RNF220: variants seen among roughly 807,000 people sequenced by gnomAD.
The protein encoded by RNF220 is E3 ubiquitin-protein ligase RNF220.
In RNF220, 7 loss-of-function variants were observed where a neutral mutation model predicts 67.1. That is an observed-to-expected ratio of 0.10 (90% CI 0.06 to 0.20). The LOEUF (loss-of-function observed/expected upper bound fraction) is 0.20, where lower values mean the gene tolerates loss of function less well. RNF220 is among the 10% of genes least tolerant of loss of function. RNF220 has a pLI of 1.00. For missense variants in RNF220, 565 were observed against 740.3 expected, an observed-to-expected ratio of 0.76 and a Z score of 2.75; for synonymous variants, 270 against 283.2, an observed-to-expected ratio of 0.95 and a Z score of 0.47.
Position 44,449,937 on chromosome 1 carries a change from C to T in RNF220, c.625+37215C>T, listed in dbSNP as rs185704988. Reference sequence around the variant, plus strand: ...AAAAAAGAAAAATTTCTGAGCTGGGCGCAGTGGCTCACGCCTGTAATCCCA... The same window carrying T: ...AAAAAAGAAAAATTTCTGAGCTGGGTGCAGTGGCTCACGCCTGTAATCCCA... On this transcript the variant is annotated intron_variant, in intron 2 of 14. Coordinates refer to ENST00000361799, the MANE Select transcript of RNF220 (RefSeq NM_018150.4). Among the ~76,000 whole-genome samples the T allele has an allele frequency of 1.7e-4, 26 of 152,260 alleles. No homozygotes were observed. In the East Asian group the frequency reaches 4.6e-3, roughly 27 times the overall value.
At chr1:44,409,017 C>G (rs1051768869) in intron 1 of RNF220, 10 of 152,270 alleles carry the variant, frequency 6.6e-5, no homozygotes, top group South Asian at 2.1e-4. Context: ...CTCCGCAGAG[C>G]GCGGAGCGCT....
chr1:44,428,628 C>T (rs893612196), intron 2 of RNF220, among the ~76,000 whole-genome samples: 1 of 152,234 alleles, frequency 6.6e-6, no homozygotes, highest in African/African-American at 2.4e-5. Context: ...CTTTAGTTAA[C>T]GATGGATGCT....
At chr1:44,576,524 TGGGGAGCCCTGGGCAA>T (rs1368418149) in intron 2 of RNF220, among the ~76,000 whole-genome samples, 3 of 152,118 alleles carry the variant, frequency 2.0e-5, no homozygotes, top group Admixed American at 2.0e-4. Flanking sequence ...AGCCTAAGAC[TGGGGAGCCCTGGGCAA>T]GGAGAAGCCA....
chr1:44,565,250 G>A lies in RNF220; in HGVS notation c.626-48915G>A, dbSNP rs558441117. ...TTCACCACTGAACCAGGAGAATAAG[G>A]CCAGTTGGGTACCAATCTGGAAGCC... On this transcript the variant is annotated intron_variant, in intron 2 of 14. Transcript: ENST00000361799. This position sits in a 1 kb window ranked among gnomAD's most constrained non-coding sequence, Gnocchi z 4.2. 5.1e-4 allele frequency among the ~76,000 whole-genome samples: 74 copies of A among 143,744 alleles called. No individual in the cohort carries two copies. The highest frequency in any genetic ancestry group is 1.8e-3 in the African/African-American group (71 of 40,204). The allele number at this position is 143,744 out of a possible 152,430, so 94.3% of individuals were successfully genotyped here.
intron 2 of RNF220, among the ~76,000 whole-genome samples, chr1:44,537,907 T>C (rs188242571): frequency 6.6e-6 from 1 of 152,374 alleles, no homozygotes; most frequent in Admixed American, 6.5e-5. Context: ...CAACCAGAAT[T>C]CCTGGATCTT....
intron 4 of RNF220, among the ~76,000 whole-genome samples, chr1:44,626,002 T>C (rs1643928222): frequency 6.6e-6 from 1 of 151,962 alleles, no homozygotes; most frequent in African/African-American, 2.4e-5. Context: ...AAACAAAACA[T>C]ATATAGTCTC....
At chr1:44,584,144 G>A (rs1469493578) in intron 2 of RNF220, among the ~76,000 whole-genome samples, 1 of 152,174 alleles carries the variant, frequency 6.6e-6, no homozygotes, top group Non-Finnish European at 1.5e-5. Context: ...ACTCCAGCTC[G>A]AGCAGCCCAG....
intron 2 of RNF220, among the ~76,000 whole-genome samples, chr1:44,511,916 C>CATGTGTGTGTGT (rs1553234670): frequency 6.8e-6 from 1 of 147,706 alleles, no homozygotes; most frequent in Non-Finnish European, 1.5e-5. Context: ...CGTGTGTGTG[C>CATGTGTGTGTGT]GTGTGTGTGT....
chr1:44,635,572 A>G lies in RNF220; in HGVS notation c.977A>G (p.Lys326Arg). The change falls in exon 7 of 15, where the codon AAG becomes AGG. Residue 326 changes from lysine to arginine, a missense_variant. Coordinates refer to ENST00000361799, the MANE Select transcript of RNF220 (RefSeq NM_018150.4). ...NARIGKMKRR[K>R]QDEGQREGSC... ...CGGATTGGGAAAATGAAACGGAGGA[A>G]GCAAGATGAAGGGCAGGTATGTCCC... 1 of 1,614,194 alleles carries G rather than the reference A, an allele frequency of 6.2e-7. No individual in the cohort carries two copies. The highest frequency in any genetic ancestry group is 1.3e-5 in the African/African-American group (1 of 75,064).
Position 44,607,487 on chromosome 1 carries a change from C to CT in RNF220, c.626-6661dup, listed in dbSNP as rs10550619. 2.9e-3 allele frequency among the ~76,000 whole-genome samples: 345 copies of CT among 118,752 alleles called. 4 individuals carry two copies. The East Asian group carries it at 0.047, about 16-fold the overall frequency. 77.9% of individuals were successfully genotyped at this position (118,752 alleles called of 152,430 possible). On this transcript the variant is annotated intron_variant, in intron 2 of 14. Coordinates refer to ENST00000361799, the MANE Select transcript of RNF220 (RefSeq NM_018150.4). Reference sequence around the variant, plus strand: ...TGTATACCTTCAAATGTGCTGTTTTCTTTTTTTTTTTTTTTTTGAGACGGA... The same window carrying CT: ...TGTATACCTTCAAATGTGCTGTTTTCTTTTTTTTTTTTTTTTTTGAGACGGA...
intron 2 of RNF220, among the ~76,000 whole-genome samples, chr1:44,522,099 A>C (rs910016381): frequency 2.0e-4 from 31 of 152,334 alleles, no homozygotes; most frequent in African/African-American, 7.2e-4. Context: ...TGGCCAGACT[A>C]AACCTACAGT....
intron 2 of RNF220, among the ~76,000 whole-genome samples, chr1:44,444,019 A>C (rs1651826307): frequency 6.6e-6 from 1 of 152,218 alleles, no homozygotes; most frequent in Admixed American, 6.5e-5. Flanking sequence ...TGAACCCGGG[A>C]GGTGGAGGTT....
intron 2 of RNF220, among the ~76,000 whole-genome samples, chr1:44,495,388 T>C (rs1382703659): frequency 1.3e-5 from 2 of 152,218 alleles, no homozygotes; most frequent in East Asian, 3.8e-4. Context: ...TACAGCAAGA[T>C]GATCTCTAAG....
At chr1:44,415,829 C>T (rs1427122958) in intron 2 of RNF220, among the ~76,000 whole-genome samples, 1 of 152,128 alleles carries the variant, frequency 6.6e-6, no homozygotes, top group East Asian at 1.9e-4. Flanking sequence ...CTGCTGCAGC[C>T]ACCCCCTGCT....
chr1:44,545,766 T>TC (rs1473453757), intron 2 of RNF220, among the ~76,000 whole-genome samples: 1 of 151,536 alleles, frequency 6.6e-6, no homozygotes, highest in East Asian at 1.9e-4. Context: ...AATTTTTTTT[T>TC]TTTTTTTGAG....
intron 2 of RNF220, among the ~76,000 whole-genome samples, chr1:44,447,455 A>G (rs898043143): frequency 1.3e-5 from 2 of 152,208 alleles, no homozygotes; most frequent in African/African-American, 2.4e-5. Flanking sequence ...AGTCACTAGC[A>G]TCTATGTTCT....
Position 44,452,144 on chromosome 1 carries a change from T to C in RNF220, c.625+39422T>C, listed in dbSNP as rs146747730. On this transcript the variant is annotated intron_variant, in intron 2 of 14. Coordinates refer to ENST00000361799, the MANE Select transcript of RNF220 (RefSeq NM_018150.4). ...CCTACTGATTTAAAATGCCAGGCTG[T>C]ACATGGGTTTGCTTCTGAATTCTGT... 8.1e-3 allele frequency among the ~76,000 whole-genome samples: 1,233 copies of C among 152,360 alleles called. 15 individuals carry two copies. Among genetic ancestry groups the C allele is most frequent in the African/African-American group, 0.027 (1,138 of 41,588 alleles).
chr1:44,600,514 A>C lies in RNF220; in HGVS notation c.626-13651A>C, dbSNP rs758427560. Reference sequence around the variant, plus strand: ...TACGCCTCTGTTTCCTTACTTATAAAATAGGGATTAAATAGTACAGTGCTG... The same window carrying C: ...TACGCCTCTGTTTCCTTACTTATAACATAGGGATTAAATAGTACAGTGCTG... On this transcript the variant is annotated intron_variant, in intron 2 of 14. Transcript: ENST00000361799. This position sits in a 1 kb window ranked among gnomAD's most constrained non-coding sequence, Gnocchi z 4.0. Among the ~76,000 whole-genome samples, 8 of 152,106 alleles carry C rather than the reference A, an allele frequency of 5.3e-5. No individual in the cohort carries two copies. The highest frequency in any genetic ancestry group is 1.0e-4 in the Non-Finnish European group (7 of 68,030).
chr1:44,545,801 G>C (rs2148237625), intron 2 of RNF220, among the ~76,000 whole-genome samples: 1 of 149,894 alleles, frequency 6.7e-6, no homozygotes, highest in East Asian at 2.0e-4. Flanking sequence ...TTGTTGCCCA[G>C]GCTGGAGTGC....
Sources: allele counts gnomAD v4.1 joint callset (sites outside exome capture counted in the v4.1 genomes callset), GRCh38; gene constraint gnomAD v4.1.1; non-coding constraint Gnocchi (gnomAD v3.1); transcripts MANE v1.5; gene names NCBI Gene and HGNC (gene_info 2026-07-23, HGNC 2026-07-21).